The following VRK2 variants were observed in gnomAD, a reference collection of about 807,000 sequenced individuals.
VRK2 encodes the protein VRK serine/threonine kinase 2.
Under a neutral mutation model 57.6 loss-of-function variants are expected in VRK2, and 60 were observed. The ratio of observed to expected loss-of-function variants is 1.04; its 90% CI spans 0.85 to 1.29. The LOEUF (loss-of-function observed/expected upper bound fraction) is 1.29, where lower values mean the gene tolerates loss of function less well. VRK2 is among the 50% of genes most tolerant of loss of function. VRK2 has a pLI of 0.00. For synonymous variants in VRK2, 231 were observed against 199.2 expected, an observed-to-expected ratio of 1.16 and a Z score of -1.35; for missense variants, 705 against 588.1, an observed-to-expected ratio of 1.20 and a Z score of -2.06.
At chr2:57,964,053 G>C (rs777001810) in intron 1 of VRK2, among the ~76,000 whole-genome samples, 49 of 152,004 alleles carry the variant, frequency 3.2e-4, no homozygotes, top group Non-Finnish European at 5.9e-4. Context: ...ATAAATATAT[G>C]ATTGAGCCTC....
intron 1 of VRK2, chr2:58,048,560 C>T: frequency 7.2e-7 from 1 of 1,393,208 alleles, no homozygotes; most frequent in Non-Finnish European, 9.5e-7. Context: ...TGCTATAGAA[C>T]CCCGAAATGA....
intron 1 of VRK2, among the ~76,000 whole-genome samples, chr2:57,999,670 C>A (rs1288144414): frequency 1.3e-5 from 2 of 151,988 alleles, no homozygotes; most frequent in African/African-American, 2.4e-5. Flanking sequence ...ATATCAAAAC[C>A]ATCAGTTGTA....
chr2:58,016,667 T>A (rs556852881), intron 1 of VRK2, among the ~76,000 whole-genome samples: 3 of 152,178 alleles, frequency 2.0e-5, no homozygotes, highest in Admixed American at 6.5e-5. Flanking sequence ...CATGTTTTAG[T>A]TTTAGAACAG....
chr2:58,008,087 A>C (rs1673307290), intron 1 of VRK2, among the ~76,000 whole-genome samples: 1 of 152,134 alleles, frequency 6.6e-6, no homozygotes. Flanking sequence ...AAGAACTATA[A>C]GTTGTAACAA....
intron 10 of VRK2, among the ~76,000 whole-genome samples, chr2:58,138,503 A>G (rs1680866702): frequency 6.6e-6 from 1 of 152,182 alleles, no homozygotes; most frequent in African/African-American, 2.4e-5. Context: ...GCTCTGTACT[A>G]TATGGTGAAA....
intron 1 of VRK2, chr2:58,017,997 T>C (rs971225020): frequency 6.6e-5 from 10 of 152,206 alleles, no homozygotes; most frequent in Non-Finnish European, 1.3e-4. Flanking sequence ...TTATTTTCTT[T>C]CTTTATTTTT....
chr2:58,101,055 G>C (rs970346587), intron 7 of VRK2, among the ~76,000 whole-genome samples: 1 of 151,594 alleles, frequency 6.6e-6, no homozygotes, highest in African/African-American at 2.4e-5. Flanking sequence ...GGCTACTAGA[G>C]TCTTATTATT....
intron 9 of VRK2, among the ~76,000 whole-genome samples, chr2:58,132,586 G>T (rs957120805): frequency 6.6e-6 from 1 of 152,110 alleles, no homozygotes; most frequent in Non-Finnish European, 1.5e-5. Flanking sequence ...CAATTGCATA[G>T]AGCACAGAAT....
intron 1 of VRK2, among the ~76,000 whole-genome samples, chr2:57,921,299 CA>C (rs1670338809): frequency 6.6e-6 from 1 of 151,546 alleles, no homozygotes; most frequent in African/African-American, 2.4e-5. Flanking sequence ...CACACACACA[CA>C]CACACACACA....
At chr2:58,105,269 A>G (rs375288679) in intron 7 of VRK2, among the ~76,000 whole-genome samples, 2 of 151,974 alleles carry the variant, frequency 1.3e-5, no homozygotes, top group South Asian at 2.1e-4. Flanking sequence ...TGAACAGACA[A>G]CCTGCAGAGT....
intron 1 of VRK2, among the ~76,000 whole-genome samples, chr2:57,951,265 C>G (rs570581099): frequency 6.6e-6 from 1 of 152,186 alleles, no homozygotes; most frequent in East Asian, 1.9e-4. Context: ...AGCAAGAGAA[C>G]TGGAATAAAA....
chr2:58,002,498 A>T (rs1486599960), intron 1 of VRK2, among the ~76,000 whole-genome samples: 5 of 152,080 alleles, frequency 3.3e-5, no homozygotes, highest in Non-Finnish European at 7.4e-5. Context: ...TAAAATCAGT[A>T]TGTGTGAAGA....
chr2:57,965,524 T>A (rs1671890178), intron 1 of VRK2, among the ~76,000 whole-genome samples: 1 of 152,218 alleles, frequency 6.6e-6, no homozygotes, highest in Non-Finnish European at 1.5e-5. Flanking sequence ...CAACTCTGAT[T>A]CTGATCATAC....
At chr2:57,917,696 C>T (rs941238480) in intron 1 of VRK2, among the ~76,000 whole-genome samples, 1 of 151,484 alleles carries the variant, frequency 6.6e-6, no homozygotes. Flanking sequence ...AGAAAATTTT[C>T]ACTTTTTTTT....
At chr2:58,067,449 T>C (rs1344665023) in intron 2 of VRK2, among the ~76,000 whole-genome samples, 2 of 152,186 alleles carry the variant, frequency 1.3e-5, no homozygotes, top group Admixed American at 6.5e-5. Flanking sequence ...ATATTTATTA[T>C]ATTTAAATGT....
Position 58,029,758 on chromosome 2 carries a change from C to T in VRK2, c.-332-3469C>T, listed in dbSNP as rs982243561. Among the ~76,000 whole-genome samples, 4 of 152,058 alleles carry T rather than the reference C, an allele frequency of 2.6e-5. No individual in the cohort carries two copies. In the East Asian group the frequency reaches 7.7e-4, roughly 29 times the overall value. On this transcript the variant is annotated intron_variant, in intron 2 of 15. Transcript: ENST00000417641. ...CTCTGGGGTCTAATGAGCTTCTGGT[C>T]TACATTTATCTTTGACTCATCCTAC...
intron 1 of VRK2, chr2:58,047,499 C>T (rs1227279694): frequency 1.0e-6 from 1 of 983,854 alleles, no homozygotes; most frequent in Non-Finnish European, 1.2e-6. Flanking sequence ...CCCTTACCGC[C>T]TCAAGCCCTG....
intron 10 of VRK2, 38 bp downstream of exon 10, chr2:58,135,237 T>C: frequency 6.2e-7 from 1 of 1,610,760 alleles, no homozygotes; most frequent in Non-Finnish European, 8.5e-7. Flanking sequence ...TCTTACGATT[T>C]ACAGGTTGCC....
intron 2 of VRK2, among the ~76,000 whole-genome samples, chr2:58,071,507 A>C (rs1669354676): frequency 6.6e-6 from 1 of 152,044 alleles, no homozygotes; most frequent in African/African-American, 2.4e-5. Flanking sequence ...ACATTTTTGC[A>C]TGTGAGTGTC....
Sources: allele counts gnomAD v4.1 joint callset (sites outside exome capture counted in the v4.1 genomes callset), GRCh38; gene constraint gnomAD v4.1.1; transcripts MANE v1.5; gene names NCBI Gene and HGNC (gene_info 2026-07-23, HGNC 2026-07-21).